The following CATSPERT variants were observed in gnomAD, a reference collection of about 807,000 sequenced individuals.
CATSPERT encodes the protein cation channel sperm-associated targeting subunit tau.
the CATSPERT span, among the ~76,000 whole-genome samples, chr2:201,490,340 A>G: frequency 6.6e-6 from 1 of 152,234 alleles, no homozygotes; most frequent in Admixed American, 6.5e-5. Flanking sequence ...TGGGAGCTTC[A>G]TATTTGTTTA....
the CATSPERT span, among the ~76,000 whole-genome samples, chr2:201,596,541 C>T: frequency 6.6e-6 from 1 of 152,090 alleles, no homozygotes; most frequent in South Asian, 2.1e-4. Context: ...TACCTATGTA[C>T]CAAGCCTGCA....
the CATSPERT span, among the ~76,000 whole-genome samples, chr2:201,524,836 G>A: frequency 2.6e-4 from 39 of 152,078 alleles, no homozygotes; most frequent in Non-Finnish European, 1.2e-4. Context: ...AGACAAAACA[G>A]ACTTTAAGCC....
chr2:201,543,780 A>C, the CATSPERT span, among the ~76,000 whole-genome samples: 1 of 152,152 alleles, frequency 6.6e-6, no homozygotes, highest in Non-Finnish European at 1.5e-5. Context: ...TTCTATATGT[A>C]AGATCCTGCC....
At chr2:201,582,584 C>T in the CATSPERT span, among the ~76,000 whole-genome samples, 1 of 152,118 alleles carries the variant, frequency 6.6e-6, no homozygotes, top group Non-Finnish European at 1.5e-5. Flanking sequence ...ATCAACTACC[C>T]AATACGAAAT....
the CATSPERT span, among the ~76,000 whole-genome samples, chr2:201,541,990 T>C: frequency 6.6e-6 from 1 of 151,902 alleles, no homozygotes; most frequent in Non-Finnish European, 1.5e-5. Flanking sequence ...AACTCTTGGG[T>C]TCATGCAATC....
At chr2:201,546,816 T>G in the CATSPERT span, among the ~76,000 whole-genome samples, 1 of 152,144 alleles carries the variant, frequency 6.6e-6, no homozygotes, top group South Asian at 2.1e-4. Context: ...ACACATAAAC[T>G]TGCACATAAA....
chr2:201,577,814 T>G, the CATSPERT span, among the ~76,000 whole-genome samples: 2 of 152,172 alleles, frequency 1.3e-5, no homozygotes, highest in African/African-American at 4.8e-5. Context: ...CACTGCCTGG[T>G]TAATAGTAAC....
chr2:201,514,856 G>C, the CATSPERT span, among the ~76,000 whole-genome samples: 1 of 152,188 alleles, frequency 6.6e-6, no homozygotes, highest in Non-Finnish European at 1.5e-5. Context: ...AGATATTTAG[G>C]GGAAACTGTG....
the CATSPERT span, among the ~76,000 whole-genome samples, chr2:201,577,554 G>C: frequency 6.6e-6 from 1 of 152,178 alleles, no homozygotes; most frequent in Non-Finnish European, 1.5e-5. Context: ...ATACTATGCA[G>C]CTTTAAAATA....
chr2:201,574,363 C>T, the CATSPERT span: 1 of 1,184,278 alleles, frequency 8.4e-7, no homozygotes, highest in Non-Finnish European at 1.2e-6. Context: ...CCTTACAAAT[C>T]TGTAAGTTAG....
At chr2:201,540,975 A>T in the CATSPERT span, among the ~76,000 whole-genome samples, 42 of 152,232 alleles carry the variant, frequency 2.8e-4, no homozygotes, top group Non-Finnish European at 5.9e-5. Flanking sequence ...GCAGTTGATT[A>T]CAACCCTCAT....
At chr2:201,530,970 T>G in the CATSPERT span, among the ~76,000 whole-genome samples, 1 of 137,420 alleles carries the variant, frequency 7.3e-6, no homozygotes, top group African/African-American at 2.6e-5. Flanking sequence ...GGTTTTTTTT[T>G]TTTTTTTTGA....
the CATSPERT span, among the ~76,000 whole-genome samples, chr2:201,490,630 T>C: frequency 6.6e-6 from 1 of 152,186 alleles, no homozygotes; most frequent in African/African-American, 2.4e-5. Context: ...CCACTGTTTA[T>C]TTCATAAAAA....
chr2:201,598,875 C>T, the CATSPERT span, among the ~76,000 whole-genome samples: 7 of 152,136 alleles, frequency 4.6e-5, no homozygotes, highest in Non-Finnish European at 7.4e-5. Flanking sequence ...GCTACCGTGC[C>T]CAGCCAACCA....
At chr2:201,552,480 T>C in the CATSPERT span, among the ~76,000 whole-genome samples, 2 of 152,170 alleles carry the variant, frequency 1.3e-5, no homozygotes, top group East Asian at 1.9e-4. Flanking sequence ...TAAGGACTAT[T>C]GTTAAAGAAA....
chr2:201,563,371 A>C, the CATSPERT span, among the ~76,000 whole-genome samples: 11 of 72,432 alleles, frequency 1.5e-4, no homozygotes, highest in African/African-American at 1.7e-4. Context: ...GGGGGGCTTG[A>C]CCCCCCCACC....
the CATSPERT span, among the ~76,000 whole-genome samples, chr2:201,568,664 T>C: frequency 6.6e-6 from 1 of 152,192 alleles, no homozygotes. Context: ...GGAGATGTGG[T>C]AGGAATCGCC....
chr2:201,519,151 CTT>C, the CATSPERT span, among the ~76,000 whole-genome samples: 1 of 152,154 alleles, frequency 6.6e-6, no homozygotes, highest in Admixed American at 6.5e-5. Context: ...ATCTAGGTGA[CTT>C]TTCCTTACTT....
chr2:201,518,231 T>C, the CATSPERT span, among the ~76,000 whole-genome samples: 5 of 152,276 alleles, frequency 3.3e-5, no homozygotes, highest in Non-Finnish European at 5.9e-5. Flanking sequence ...GTAGGGGGAC[T>C]GCAAAAAGGC....
Sources: gnomAD v4.1 joint callset for allele counts (sites outside exome capture counted in the v4.1 genomes callset) on GRCh38, gnomAD v4.1.1 for gene constraint, MANE v1.5 for transcripts, NCBI Gene and HGNC (gene_info 2026-07-23, HGNC 2026-07-21) for gene names.